Variants in CHLSN observed in about 807,000 individuals in gnomAD.
The protein encoded by CHLSN is cholesin.
the CHLSN span, chr7:983,309 C>A: frequency 6.5e-7 from 1 of 1,541,264 alleles, no homozygotes; most frequent in South Asian, 1.2e-5. Flanking sequence ...CGGTGGCCCC[C>A]GGGGCCTCGC....
chr7:1,064,142 GCACA>G, the CHLSN span, among the ~76,000 whole-genome samples: 3 of 152,290 alleles, frequency 2.0e-5, no homozygotes, highest in African/African-American at 4.8e-5. Context: ...AAGCACGCAT[GCACA>G]CACACAAACA....
chr7:994,663 C>G, the CHLSN span, among the ~76,000 whole-genome samples: 1 of 152,142 alleles, frequency 6.6e-6, no homozygotes, highest in Admixed American at 6.5e-5. Flanking sequence ...TGGTCTCAAA[C>G]TCCTGAGCTC....
chr7:992,747 T>C, the CHLSN span, among the ~76,000 whole-genome samples: 2 of 152,304 alleles, frequency 1.3e-5, no homozygotes, highest in African/African-American at 4.8e-5. Flanking sequence ...CCTTGGATGC[T>C]GAGGGGGAAG....
the CHLSN span, chr7:997,471 T>C: frequency 1.6e-6 from 1 of 622,240 alleles, no homozygotes. Flanking sequence ...GCTCTGGTGC[T>C]GGTGATCCCG....
the CHLSN span, among the ~76,000 whole-genome samples, chr7:1,050,775 C>A: frequency 6.6e-6 from 1 of 152,212 alleles, no homozygotes; most frequent in Non-Finnish European, 1.5e-5. Context: ...GTAGATGACA[C>A]AGAGGCACAG....
the CHLSN span, among the ~76,000 whole-genome samples, chr7:1,120,555 A>T: frequency 2.0e-5 from 3 of 152,172 alleles, no homozygotes; most frequent in Non-Finnish European, 4.4e-5. Flanking sequence ...GCCTCCCAAA[A>T]GTGCTGAGAT....
chr7:1,091,836 G>A, the CHLSN span: 45 of 1,605,610 alleles, frequency 2.8e-5, no homozygotes, highest in East Asian at 6.7e-5. Flanking sequence ...TGTCCCACCC[G>A]CTCCTGGGCA....
chr7:1,091,045 C>G, the CHLSN span, among the ~76,000 whole-genome samples: 1 of 152,178 alleles, frequency 6.6e-6, no homozygotes, highest in African/African-American at 2.4e-5. Context: ...GCATTTTCCC[C>G]TCTCCTCACA....
At chr7:1,070,614 GCA>G in the CHLSN span, among the ~76,000 whole-genome samples, 7 of 134,804 alleles carry the variant, frequency 5.2e-5, no homozygotes, top group East Asian at 2.3e-4. Flanking sequence ...ACACATGCAT[GCA>G]CACACGCACA....
chr7:1,098,098 A>G, the CHLSN span, among the ~76,000 whole-genome samples: 2 of 152,170 alleles, frequency 1.3e-5, no homozygotes, highest in African/African-American at 4.8e-5. Flanking sequence ...CTCAAAGTCC[A>G]TTTCCCGAGA....
chr7:1,080,162 G>A, the CHLSN span, among the ~76,000 whole-genome samples: 1 of 152,248 alleles, frequency 6.6e-6, no homozygotes, highest in East Asian at 1.9e-4. Flanking sequence ...TTTGTATGAA[G>A]CTAAATGTGC....
At chr7:1,058,319 A>G in the CHLSN span, 1 of 776,846 alleles carries the variant, frequency 1.3e-6, no homozygotes, top group Non-Finnish European at 2.4e-6. Flanking sequence ...CCGTGGACGC[A>G]CACTACCTGG....
At chr7:1,007,496 G>A in the CHLSN span, among the ~76,000 whole-genome samples, 26 of 152,198 alleles carry the variant, frequency 1.7e-4, no homozygotes, top group Non-Finnish European at 3.7e-4. Context: ...CAGGGATACC[G>A]TGGGCTCCAC....
chr7:1,042,590 T>C, the CHLSN span, among the ~76,000 whole-genome samples: 1 of 152,226 alleles, frequency 6.6e-6, no homozygotes, highest in Non-Finnish European at 1.5e-5. Context: ...CCATTCTCCC[T>C]GGCAGGACTG....
At chr7:1,036,082 G>C in the CHLSN span, among the ~76,000 whole-genome samples, 1 of 152,218 alleles carries the variant, frequency 6.6e-6, no homozygotes, top group Non-Finnish European at 1.5e-5. Context: ...GCCAGGAAAG[G>C]GTTCCGTGGT....
At chr7:1,009,834 A>G in the CHLSN span, 1 of 924,414 alleles carries the variant, frequency 1.1e-6, no homozygotes, top group South Asian at 1.8e-5. Context: ...ATGAACGCTC[A>G]TACCTCACTG....
the CHLSN span, among the ~76,000 whole-genome samples, chr7:1,136,020 A>T: frequency 8.3e-6 from 1 of 121,206 alleles, no homozygotes; most frequent in African/African-American, 3.4e-5. Context: ...ATATATATGT[A>T]TATATAAATA....
the CHLSN span, among the ~76,000 whole-genome samples, chr7:1,112,758 C>T: frequency 4.6e-5 from 7 of 151,370 alleles, no homozygotes; most frequent in African/African-American, 1.2e-4. Flanking sequence ...AGTGAGGGTG[C>T]GGGGTCCGGC....
chr7:1,008,850 C>T, the CHLSN span, among the ~76,000 whole-genome samples: 5 of 149,060 alleles, frequency 3.4e-5, no homozygotes, highest in Non-Finnish European at 5.9e-5. Context: ...CACGCACACA[C>T]GTAAACACAC....
Sources: allele counts gnomAD v4.1 joint callset (sites outside exome capture counted in the v4.1 genomes callset), GRCh38; gene constraint gnomAD v4.1.1; transcripts MANE v1.5; gene names NCBI Gene and HGNC (gene_info 2026-07-23, HGNC 2026-07-21).